The following KIAA1328 variants were observed in gnomAD, a reference collection of about 807,000 sequenced individuals.
KIAA1328 encodes the protein KIAA1328.
Under a neutral mutation model 68.1 loss-of-function variants are expected in KIAA1328, and 52 were observed. The ratio of observed to expected loss-of-function variants is 0.76; its 90% CI spans 0.61 to 0.96. The LOEUF (loss-of-function observed/expected upper bound fraction) is 0.96. KIAA1328 is among the 40% of genes least tolerant of loss of function. KIAA1328 has a pLI of 0.00. For synonymous variants in KIAA1328, 232 were observed against 239.4 expected (o/e 0.97, Z 0.28); for missense variants, 641 against 677.6 (o/e 0.95, Z 0.60).
downstream of KIAA1328, among the ~76,000 whole-genome samples, chr18:37,226,376 C>G (rs544236134): frequency 4.0e-5 from 6 of 151,832 alleles, no homozygotes; most frequent in African/African-American, 1.5e-4. Context: ...TTAGTATATT[C>G]ACAGAGTTGC....
chr18:36,880,931 G>T (rs1331713413), intron 4 of KIAA1328, among the ~76,000 whole-genome samples: 1 of 152,076 alleles, frequency 6.6e-6, no homozygotes, highest in Non-Finnish European at 1.5e-5. Flanking sequence ...ACCCACGTTA[G>T]ACATATTATC....
chr18:36,975,765 G>T (rs1230497242), intron 6 of KIAA1328, among the ~76,000 whole-genome samples: 1 of 151,882 alleles, frequency 6.6e-6, no homozygotes, highest in Admixed American at 6.6e-5. Flanking sequence ...TCCCTTAATT[G>T]TTAAAGCTTT....
At chr18:37,184,944 A>C (rs1290296252) in intron 9 of KIAA1328, among the ~76,000 whole-genome samples, 1 of 152,030 alleles carries the variant, frequency 6.6e-6, no homozygotes, top group Non-Finnish European at 1.5e-5. Context: ...CGGGCGGATC[A>C]CGAGGTCAGG....
Position 37,066,970 on chromosome 18 carries a change from CT to C in KIAA1328, c.658del (p.Tyr220ThrfsTer21). On this transcript the variant is annotated frameshift_variant, in exon 7 of 10. Transcript: ENST00000280020. LOFTEE classifies it high-confidence loss of function. ...ACTTGAGCATAGCCAGACCACAGACCTACTATCAAACCAAGCAAAGACCTAA... is the reference window on the plus strand; with the variant it reads ...ACTTGAGCATAGCCAGACCACAGACCACTATCAAACCAAGCAAAGACCTAA... Reference protein sequence around the residue: ...SYLSIARPQTYYQTKQRPKSA... With the variant: ...SYLSIARPQTXYQTKQRPKSA... 6.2e-7 allele frequency: 1 copy of C among 1,613,258 alleles called. No homozygotes were observed. The highest frequency in any genetic ancestry group is 1.7e-5 in the Admixed American group (1 of 59,912).
At chr18:36,844,139 C>T (rs188433481) in intron 3 of KIAA1328, 69 bp from the exon 4 acceptor site, 287 of 972,668 alleles carry the variant, frequency 3.0e-4, no homozygotes, top group Admixed American at 1.9e-3. Flanking sequence ...TCACCTTGCA[C>T]CTAGGTTTCT....
chr18:36,874,038 T>G (rs1226494875), intron 4 of KIAA1328, among the ~76,000 whole-genome samples: 1 of 152,258 alleles, frequency 6.6e-6, no homozygotes, highest in Non-Finnish European at 1.5e-5. Context: ...CATGGCTGCA[T>G]AGTATTCCAT....
chr18:37,129,407 A>G (rs2058469376), intron 7 of KIAA1328, among the ~76,000 whole-genome samples: 1 of 152,248 alleles, frequency 6.6e-6, no homozygotes, highest in South Asian at 2.1e-4. Context: ...CTGCAAAACA[A>G]ACAGCGTAGC....
chr18:37,052,804 TC>T (rs1432902467), intron 6 of KIAA1328, among the ~76,000 whole-genome samples: 3 of 152,110 alleles, frequency 2.0e-5, no homozygotes, highest in African/African-American at 4.8e-5. Context: ...AAGTGAGATC[TC>T]TACACGAACT....
At chr18:37,064,545 C>G (rs930506986) in intron 6 of KIAA1328, among the ~76,000 whole-genome samples, 11 of 145,790 alleles carry the variant, frequency 7.5e-5, no homozygotes, top group African/African-American at 1.8e-4. Flanking sequence ...TACCCCCCCC[C>G]CCAAATATGA....
chr18:36,909,337 G>A (rs993505827), intron 5 of KIAA1328, among the ~76,000 whole-genome samples: 2 of 129,366 alleles, frequency 1.5e-5, no homozygotes, highest in East Asian at 2.5e-4. Context: ...TTGTGTCCAC[G>A]TGTTCTCATT....
intron 7 of KIAA1328, among the ~76,000 whole-genome samples, chr18:37,093,279 ATTC>A (rs1206518288): frequency 6.6e-6 from 1 of 152,224 alleles, no homozygotes; most frequent in Admixed American, 6.5e-5. Context: ...GAGCACAGTA[ATTC>A]TTCTGGAACA....
intron 7 of KIAA1328, among the ~76,000 whole-genome samples, chr18:37,124,369 C>G (rs2058342702): frequency 6.6e-6 from 1 of 151,910 alleles, no homozygotes; most frequent in Non-Finnish European, 1.5e-5. Flanking sequence ...CCTGTTGACT[C>G]TATTTCCAAA....
At chr18:36,927,498 A>G (rs1168664252) in intron 5 of KIAA1328, among the ~76,000 whole-genome samples, 1 of 152,196 alleles carries the variant, frequency 6.6e-6, no homozygotes, top group African/African-American at 2.4e-5. Flanking sequence ...TGTCATTTCA[A>G]CACTTTGGAA....
At chr18:36,902,461 T>G (rs1227585900) in intron 5 of KIAA1328, 1 of 152,102 alleles carries the variant, frequency 6.6e-6, no homozygotes, top group Non-Finnish European at 1.5e-5. Context: ...TCCCTGAATA[T>G]CTCTGTTGCT....
Position 37,223,890 on chromosome 18 carries a change from A to G in KIAA1328, c.*1663A>G. 1.0e-6 allele frequency: 1 copy of G among 982,312 alleles called. No individual in the cohort carries two copies. Among genetic ancestry groups the G allele is most frequent in the Non-Finnish European group, 1.2e-6 (1 of 827,096 alleles). The allele number at this position is 982,312 out of a possible 1,614,324, so 60.8% of individuals were successfully genotyped here. A position where few individuals can be genotyped will look rare whatever the true frequency, so the allele number is the denominator to read the frequency against. Reference sequence around the variant, plus strand: ...TAATATTATATTTTTCTTCTGAAATAAATATAAAGTCAAGACTAACTAGTT... The same window carrying G: ...TAATATTATATTTTTCTTCTGAAATGAATATAAAGTCAAGACTAACTAGTT... On this transcript the variant is annotated 3_prime_UTR_variant, in exon 10 of 10. Coordinates refer to ENST00000280020, the MANE Select transcript of KIAA1328 (RefSeq NM_020776.3).
At chr18:36,873,346 C>T (rs1240514476) in intron 4 of KIAA1328, among the ~76,000 whole-genome samples, 1 of 152,204 alleles carries the variant, frequency 6.6e-6, no homozygotes, top group Non-Finnish European at 1.5e-5. Flanking sequence ...CTACCACATG[C>T]AATGATTACC....
intron 4 of KIAA1328, among the ~76,000 whole-genome samples, chr18:36,850,493 C>CTA (rs2047176533): frequency 6.6e-6 from 1 of 151,854 alleles, no homozygotes; most frequent in African/African-American, 2.4e-5. Flanking sequence ...GTACCAAATC[C>CTA]TATATATATA....
intron 4 of KIAA1328, among the ~76,000 whole-genome samples, chr18:36,869,061 T>C (rs1243885694): frequency 1.3e-5 from 2 of 148,370 alleles, no homozygotes; most frequent in Non-Finnish European, 3.0e-5. Flanking sequence ...TTTTTTTTTT[T>C]GTCTTCCCAC....
At chr18:37,125,607 G>T (rs2058370751) in intron 7 of KIAA1328, among the ~76,000 whole-genome samples, 1 of 152,108 alleles carries the variant, frequency 6.6e-6, no homozygotes, top group African/African-American at 2.4e-5. Context: ...CCTATACTCA[G>T]AACAATCAAG....
Sources: gnomAD v4.1 joint callset for allele counts (sites outside exome capture counted in the v4.1 genomes callset) on GRCh38, gnomAD v4.1.1 for gene constraint, MANE v1.5 for transcripts, NCBI Gene and HGNC (gene_info 2026-07-23, HGNC 2026-07-21) for gene names.